Variants in SLC35H1 observed in about 807,000 individuals in gnomAD.
The protein encoded by SLC35H1 is solute carrier family 35 member H1.
chr20:46,352,125 C>T, the SLC35H1 span: 1 of 1,614,200 alleles, frequency 6.2e-7, no homozygotes, highest in Non-Finnish European at 8.5e-7. Context: ...AAGCCCAAAC[C>T]AAAGGCGAGA....
the SLC35H1 span, among the ~76,000 whole-genome samples, chr20:46,351,630 G>A: frequency 5.3e-5 from 8 of 152,378 alleles, no homozygotes; most frequent in Non-Finnish European, 1.2e-4. Flanking sequence ...TGGCCTTGGA[G>A]GACACCGCCA....
chr20:46,349,867 G>A, the SLC35H1 span: 6 of 152,256 alleles, frequency 3.9e-5, no homozygotes, highest in African/African-American at 1.4e-4. Flanking sequence ...GAAGGCTCCA[G>A]GCAGGGAAAG....
At chr20:46,350,262 G>C in the SLC35H1 span, 8 of 1,128,542 alleles carry the variant, frequency 7.1e-6, no homozygotes, top group East Asian at 2.0e-4. Flanking sequence ...TGAGTCCCTG[G>C]CTTGGCCCCA....
At chr20:46,359,103 G>A in the SLC35H1 span, 1 of 349,018 alleles carries the variant, frequency 2.9e-6, no homozygotes, top group Non-Finnish European at 5.5e-6. Flanking sequence ...TCAGCCACAG[G>A]CTCTCCAGGA....
the SLC35H1 span, among the ~76,000 whole-genome samples, chr20:46,362,477 T>TA: frequency 1.3e-5 from 2 of 152,132 alleles, no homozygotes; most frequent in Non-Finnish European, 2.9e-5. Flanking sequence ...GCTTTGGAGT[T>TA]AGACACTGAG....
the SLC35H1 span, chr20:46,350,957 G>T: frequency 1.3e-6 from 2 of 1,590,770 alleles, no homozygotes; most frequent in Non-Finnish European, 1.7e-6. Flanking sequence ...CAGGAGGGTG[G>T]AAGGTGGGGG....
the SLC35H1 span, among the ~76,000 whole-genome samples, chr20:46,361,168 G>A: frequency 1.3e-5 from 2 of 151,956 alleles, no homozygotes; most frequent in Admixed American, 1.3e-4. Flanking sequence ...AAACTGACTC[G>A]TGTTTTCCAC....
At chr20:46,357,479 G>T in the SLC35H1 span, 13 of 990,748 alleles carry the variant, frequency 1.3e-5, no homozygotes, top group Non-Finnish European at 1.8e-5. Context: ...GGTGGTGGGA[G>T]GCCAGGTCAA....
chr20:46,350,561 C>T, the SLC35H1 span: 43 of 1,553,418 alleles, frequency 2.8e-5, no homozygotes, highest in Non-Finnish European at 3.6e-5. Flanking sequence ...CAGGCCCAGT[C>T]GTGGTTTTCT....
At chr20:46,353,395 G>A in the SLC35H1 span, among the ~76,000 whole-genome samples, 3 of 152,186 alleles carry the variant, frequency 2.0e-5, no homozygotes, top group Non-Finnish European at 4.4e-5. Flanking sequence ...GACTCCCGGC[G>A]TCCCTCCCAC....
the SLC35H1 span, chr20:46,350,679 G>A: frequency 1.9e-6 from 3 of 1,556,642 alleles, no homozygotes; most frequent in East Asian, 2.3e-5. Context: ...GAGCCACCGG[G>A]CACACTTCCT....
chr20:46,353,656 TA>T, the SLC35H1 span, among the ~76,000 whole-genome samples: 2 of 152,166 alleles, frequency 1.3e-5, no homozygotes, highest in Admixed American at 1.3e-4. Context: ...GCAGCATAAG[TA>T]ATGAAGGCGC....
the SLC35H1 span, among the ~76,000 whole-genome samples, chr20:46,358,074 GCGGCCCACTA>G: frequency 6.6e-6 from 1 of 152,210 alleles, no homozygotes; most frequent in African/African-American, 2.4e-5. Flanking sequence ...GAGAGCCACT[GCGGCCCACTA>G]CGTTGTATCA....
At chr20:46,359,543 C>T in the SLC35H1 span, among the ~76,000 whole-genome samples, 1 of 152,210 alleles carries the variant, frequency 6.6e-6, no homozygotes, top group African/African-American at 2.4e-5. Context: ...GAAACCAACA[C>T]TCTAACGGCT....
chr20:46,346,128 C>G, the SLC35H1 span: 1 of 152,058 alleles, frequency 6.6e-6, no homozygotes, highest in African/African-American at 2.4e-5. Flanking sequence ...TTCTGTTGTT[C>G]CCCAGCAGGA....
the SLC35H1 span, chr20:46,350,092 A>G: frequency 1.7e-5 from 4 of 239,810 alleles, no homozygotes; most frequent in Non-Finnish European, 2.4e-5. Context: ...CTTGGAAATG[A>G]GTCTCGGCTG....
chr20:46,357,911 C>T, the SLC35H1 span: 2 of 870,310 alleles, frequency 2.3e-6, no homozygotes, highest in Non-Finnish European at 3.5e-6. Context: ...GTGTAGGGCC[C>T]TTAGTTACGG....
chr20:46,351,089 G>C, the SLC35H1 span, among the ~76,000 whole-genome samples: 1 of 152,254 alleles, frequency 6.6e-6, no homozygotes, highest in Non-Finnish European at 1.5e-5. Flanking sequence ...TTTGTGAGAT[G>C]CAACAAAGGA....
the SLC35H1 span, among the ~76,000 whole-genome samples, chr20:46,356,249 C>T: frequency 6.6e-6 from 1 of 152,208 alleles, no homozygotes; most frequent in Non-Finnish European, 1.5e-5. Context: ...GGCTCTGCTG[C>T]GGCTGCGTGT....
Sources: gnomAD v4.1 joint callset for allele counts (sites outside exome capture counted in the v4.1 genomes callset) on GRCh38, gnomAD v4.1.1 for gene constraint, MANE v1.5 for transcripts, NCBI Gene and HGNC (gene_info 2026-07-23, HGNC 2026-07-21) for gene names.